NPSR1: variants seen among roughly 807,000 people sequenced by gnomAD.
The protein encoded by NPSR1 is neuropeptide S receptor.
A neutral mutation model predicts 46.9 loss-of-function variants in NPSR1; 48 were observed. The observed-to-expected ratio is 1.02, with a 90% CI of 0.81 to 1.30. The LOEUF is 1.30. NPSR1 is among the 50% of genes most tolerant of loss of function. The pLI is 0.00. For synonymous variants in NPSR1, 176 were observed against 168.1 expected, an observed-to-expected ratio of 1.05 and a Z score of -0.36; for missense variants, 450 against 449.5, an observed-to-expected ratio of 1.00 and a Z score of -0.01.
At chr7:34,811,693 C>G in intron 3 of NPSR1, 77 bp from the exon 4 acceptor site, 1 of 948,472 alleles carries the variant, frequency 1.1e-6, no homozygotes. Context: ...CTAAATAACA[C>G]AAGGTGCTAT....
intron 3 of NPSR1, among the ~76,000 whole-genome samples, chr7:34,780,739 C>T (rs907509106): frequency 6.6e-6 from 1 of 152,152 alleles, no homozygotes; most frequent in Non-Finnish European, 1.5e-5. Context: ...GAAAGCAAAA[C>T]AGGGACAGAG....
At chr7:34,688,451 A>C (rs1793051892) in intron 2 of NPSR1, among the ~76,000 whole-genome samples, 2 of 152,204 alleles carry the variant, frequency 1.3e-5, no homozygotes, top group Non-Finnish European at 2.9e-5. Context: ...TGAAGGTTGA[A>C]TGTCCTATCT....
chr7:34,861,208 C>T (rs1475416211), intron 8 of NPSR1, among the ~76,000 whole-genome samples: 1 of 151,942 alleles, frequency 6.6e-6, no homozygotes, highest in Non-Finnish European at 1.5e-5. Flanking sequence ...TCAAGATTCA[C>T]CTCAAAGTTG....
chr7:34,783,476 G>A (rs2128739351), intron 3 of NPSR1, among the ~76,000 whole-genome samples: 1 of 152,086 alleles, frequency 6.6e-6, no homozygotes, highest in Non-Finnish European at 1.5e-5. Flanking sequence ...TGACATGTAG[G>A]GATTATGGCA....
chr7:34,733,436 A>G (rs977397699), intron 2 of NPSR1, among the ~76,000 whole-genome samples: 1 of 149,354 alleles, frequency 6.7e-6, no homozygotes, highest in African/African-American at 2.5e-5. Flanking sequence ...AAAAAAAAAG[A>G]AAAAGAAAAA....
chr7:34,867,786 C>T (rs532536505), intron 8 of NPSR1, among the ~76,000 whole-genome samples: 75 of 151,994 alleles, frequency 4.9e-4, no homozygotes, highest in African/African-American at 1.5e-3. Flanking sequence ...TGTGGCATTG[C>T]ACTCCCAGCC....
intron 3 of NPSR1, among the ~76,000 whole-genome samples, chr7:34,782,012 C>T (rs1030486999): frequency 6.6e-6 from 1 of 152,164 alleles, no homozygotes; most frequent in Non-Finnish European, 1.5e-5. Context: ...TATACTATTA[C>T]CAACATTACA....
intron 3 of NPSR1, among the ~76,000 whole-genome samples, chr7:34,792,663 A>ATTTT (rs376242477): frequency 1.2e-4 from 8 of 65,892 alleles, no homozygotes; most frequent in Non-Finnish European, 2.1e-4. Context: ...GTATATATAT[A>ATTTT]TTTATATATA....
At chr7:34,792,715 T>TTATATATATATGTATATATATATATTTA (rs1787981008) in intron 3 of NPSR1, among the ~76,000 whole-genome samples, 8 of 98,924 alleles carry the variant, frequency 8.1e-5, no homozygotes, top group African/African-American at 2.7e-4. Context: ...ATATATATAT[T>TTATATATATATGTATATATATATATTTA]TATATATATA....
intron 1 of NPSR1, among the ~76,000 whole-genome samples, chr7:34,670,233 A>G (rs1280794864): frequency 2.0e-5 from 3 of 152,200 alleles, no homozygotes; most frequent in African/African-American, 7.2e-5. Flanking sequence ...TATCCACAGT[A>G]AGCAAAACAT....
chr7:34,676,697 C>T lies in NPSR1; in HGVS notation c.148-7855C>T, dbSNP rs534000672. 1.0e-3 allele frequency among the ~76,000 whole-genome samples: 157 copies of T among 152,302 alleles called. 1 individual carries two copies. Among genetic ancestry groups the T allele is most frequent in the Admixed American group, 1.9e-3 (29 of 15,298 alleles). Reference sequence around the variant, plus strand: ...TTTTATTCTCTTGTAGCACCAACGCCTTACACTGTGTCTGGCATAGAGTAG... The same window carrying T: ...TTTTATTCTCTTGTAGCACCAACGCTTTACACTGTGTCTGGCATAGAGTAG... On this transcript the variant is annotated intron_variant, in intron 1 of 8. Coordinates refer to ENST00000360581, the MANE Select transcript of NPSR1 (RefSeq NM_207172.2).
intron 2 of NPSR1, chr7:34,750,630 G>T: frequency 2.9e-6 from 2 of 686,834 alleles, no homozygotes; most frequent in Non-Finnish European, 5.5e-6. Flanking sequence ...TTGCCCTCAG[G>T]CTTGGCCCCA....
chr7:34,677,826 C>CA (rs1749134102), intron 1 of NPSR1, among the ~76,000 whole-genome samples: 1 of 152,122 alleles, frequency 6.6e-6, no homozygotes, highest in East Asian at 1.9e-4. Flanking sequence ...GCAGACCTCA[C>CA]AAAAAAGGAT....
At chr7:34,811,948 A>G in intron 4 of NPSR1, 85 bp downstream of exon 4, 1 of 807,740 alleles carries the variant, frequency 1.2e-6, no homozygotes. Context: ...TTTACTCTTA[A>G]TAATAGTGAT....
rs325465 is a variant in NPSR1 at position 34,811,812 on chromosome 7, A to T, written c.427A>T (p.Ser143Cys). ...CTCTACCTACGTCCTGGTGTCCCTC[A>T]GCATAGACAGATACCATGCCATCGT... ...YASTYVLVSL[S>C]IDRYHAIVYP... is the part of the protein sequence containing the mutation. The change falls in exon 4 of 9, where the codon AGC (serine) becomes TGC (cysteine). Residue 143 changes from serine (S) to cysteine (C), a missense_variant. Transcript: ENST00000360581. The T allele has an allele frequency of 3.1e-6, 5 of 1,612,972 alleles. No homozygotes were observed. In the African/African-American group the frequency reaches 6.7e-5, roughly 22 times the overall value.
In NPSR1 at chr7:34,678,633, T is replaced by G. The variant is rs918172349; in HGVS notation, c.148-5919T>G. The stretch of plus-strand genomic sequence containing the variant: ...TGAGGTCAGGAGATCGAGACCATCT[T>G]GGCTAACACAGTGAAACCCCGTCTC... On this transcript the variant is annotated intron_variant, in intron 1 of 8. Coordinates refer to ENST00000360581, the MANE Select transcript of NPSR1 (RefSeq NM_207172.2). Among the ~76,000 whole-genome samples, 3 of 152,116 alleles carry G rather than the reference T, an allele frequency of 2.0e-5. No homozygotes were observed. The East Asian group carries it at 5.8e-4, about 30-fold the overall frequency.
chr7:34,868,720 C>T (rs1198348529), intron 8 of NPSR1, among the ~76,000 whole-genome samples: 4 of 151,820 alleles, frequency 2.6e-5, no homozygotes, highest in African/African-American at 9.7e-5. Flanking sequence ...CTTGGTCACT[C>T]GTGTTTGCCC....
intron 6 of NPSR1, among the ~76,000 whole-genome samples, 181 bp from the exon 7 acceptor site, chr7:34,844,715 T>C (rs1406462756): frequency 6.6e-6 from 1 of 152,232 alleles, no homozygotes; most frequent in Non-Finnish European, 1.5e-5. Context: ...AAACTGAGCA[T>C]TCTCCAGAAA....
intron 3 of NPSR1, among the ~76,000 whole-genome samples, chr7:34,783,413 C>T (rs1787320439): frequency 6.6e-6 from 1 of 151,970 alleles, no homozygotes; most frequent in Non-Finnish European, 1.5e-5. Context: ...CATGAGAATA[C>T]CATGGGGGAA....
Sources: allele counts gnomAD v4.1 joint callset (sites outside exome capture counted in the v4.1 genomes callset), GRCh38; gene constraint gnomAD v4.1.1; transcripts MANE v1.5; gene names NCBI Gene and HGNC (gene_info 2026-07-23, HGNC 2026-07-21).